The following MTM1 variants were observed in gnomAD, a reference collection of about 807,000 sequenced individuals.
MTM1 encodes myotubularin.
MTM1 carries 9 observed loss-of-function variants against 52.1 expected under a neutral mutation model. The ratio of observed to expected loss-of-function variants is 0.17; its 90% CI spans 0.10 to 0.30. MTM1 has a LOEUF of 0.30. Ranked by LOEUF, MTM1 falls within the 10% of genes least tolerant of loss-of-function variation. MTM1 has a pLI of 1.00. For missense variants in MTM1, 277 were observed against 470.7 expected (o/e 0.59, Z 3.81); for synonymous variants, 136 against 163.8 (o/e 0.83, Z 1.29).
At chrX:150,637,357 C>T (rs1167621068) in intron 6 of MTM1, among the ~76,000 whole-genome samples, 5 of 111,258 alleles carry the variant, frequency 4.5e-5, no homozygotes, top group South Asian at 3.8e-4. Flanking sequence ...AGTGCCCAGA[C>T]GCAGCGCCTC....
chrX:150,566,206 G>T (rs2038260883), upstream of MTM1, among the ~76,000 whole-genome samples: 1 of 111,545 alleles, frequency 9.0e-6, no homozygotes, highest in Non-Finnish European at 1.9e-5. Context: ...TGCAATCTCA[G>T]CTCACTGCAA....
intron 8 of MTM1, 48 bp downstream of exon 8, chrX:150,641,466 T>G (rs2039848469): frequency 1.7e-6 from 2 of 1,170,150 alleles, no homozygotes; most frequent in Non-Finnish European, 1.2e-6. Flanking sequence ...TTTTAGTCCA[T>G]AAGAATGGTA....
chrX:150,638,399 T>C (rs1213807405), intron 6 of MTM1, among the ~76,000 whole-genome samples: 2 of 110,731 alleles, frequency 1.8e-5, no homozygotes, highest in African/African-American at 6.6e-5. Flanking sequence ...TGAGTATATA[T>C]AGAGAAGAGG....
At chrX:150,608,804 GGAT>G (rs782040362) in intron 4 of MTM1, among the ~76,000 whole-genome samples, 163 of 108,813 alleles carry the variant, frequency 1.5e-3, no homozygotes, top group African/African-American at 4.2e-3. Flanking sequence ...GCCTTCCCCA[GGAT>G]GATGATGATG....
chrX:150,660,333 C>T (rs782111708), intron 12 of MTM1, 38 bp from the exon 13 acceptor site: 4 of 848,987 alleles, frequency 4.7e-6, no homozygotes, highest in Non-Finnish European at 7.0e-6. Context: ...AAGTTTCAGT[C>T]CCAGTTTTTC....
At chrX:150,668,484 C>T (rs1011669495) in intron 14 of MTM1, among the ~76,000 whole-genome samples, 2 of 104,645 alleles carry the variant, frequency 1.9e-5, no homozygotes, top group Non-Finnish European at 3.9e-5. Context: ...CCCAGAAATT[C>T]GAGACCAGCC....
chrX:150,637,994 A>C (rs1403373386), intron 6 of MTM1, among the ~76,000 whole-genome samples: 1 of 112,822 alleles, frequency 8.9e-6, no homozygotes, highest in Non-Finnish European at 1.9e-5. Flanking sequence ...TGTCACTCTG[A>C]CTTGAGAAGT....
At chrX:150,565,993 TAC>T (rs782745793), upstream of MTM1, among the ~76,000 whole-genome samples, 11,342 of 88,156 alleles carry the variant, frequency 0.13, 608 homozygotes, top group Middle Eastern at 0.23. Flanking sequence ...TGAAGATTCC[TAC>T]ACACACACAC....
intron 6 of MTM1, among the ~76,000 whole-genome samples, chrX:150,620,653 G>A (rs1603161177): frequency 8.9e-6 from 1 of 111,839 alleles, no homozygotes; most frequent in Non-Finnish European, 1.9e-5. Context: ...ATGTAAATAT[G>A]TCTTCACTCT....
At chrX:150,569,913 T>A (rs899005704) in intron 1 of MTM1, among the ~76,000 whole-genome samples, 2 of 112,032 alleles carry the variant, frequency 1.8e-5, no homozygotes, top group Non-Finnish European at 3.8e-5. Context: ...TTTGGCTGCT[T>A]CACAAAATCA....
At chrX:150,652,658 T>C (rs199923066) in intron 10 of MTM1, among the ~76,000 whole-genome samples, 2,968 of 82,361 alleles carry the variant, frequency 0.036, 107 homozygotes, top group African/African-American at 0.084. Flanking sequence ...TATATATATA[T>C]ACACACACAC....
At chrX:150,567,094 T>C (rs1317926449), upstream of MTM1, among the ~76,000 whole-genome samples, 1 of 110,939 alleles carries the variant, frequency 9.0e-6, no homozygotes, top group East Asian at 2.8e-4. Context: ...TCTGCTGTCT[T>C]TCCAGGAGTT....
chrX:150,565,528 A>G (rs2038251155), upstream of MTM1, among the ~76,000 whole-genome samples: 1 of 111,882 alleles, frequency 8.9e-6, no homozygotes. Flanking sequence ...AAGTTGAGGC[A>G]GGAGTGGGGA....
intron 6 of MTM1, among the ~76,000 whole-genome samples, chrX:150,620,666 T>A (rs2039463202): frequency 8.9e-6 from 1 of 112,193 alleles, no homozygotes; most frequent in Non-Finnish European, 1.9e-5. Context: ...TTCACTCTCA[T>A]CCCTCTTCTC....
intron 4 of MTM1, among the ~76,000 whole-genome samples, chrX:150,600,624 G>A (rs914438671): frequency 8.9e-6 from 1 of 112,082 alleles, no homozygotes; most frequent in Non-Finnish European, 1.9e-5. Flanking sequence ...TGCTGATCTT[G>A]TCTGAAGAAA....
intron 6 of MTM1, among the ~76,000 whole-genome samples, chrX:150,625,854 G>C (rs1156695686): frequency 8.9e-6 from 1 of 112,757 alleles, no homozygotes; most frequent in Non-Finnish European, 1.9e-5. Context: ...AGACACAGGT[G>C]AGGTAACTTG....
rs797035612 is a variant in MTM1 at position 150,665,348 on chromosome X, A to G, written c.1644+1739A>G. ...GCCCATGAGTAGCTCCCAAGCTGGT[A>G]GGGGCGGCCAGAAACATAAGCCAAT... On this transcript the variant is annotated intron_variant, in intron 14 of 14. Coordinates refer to ENST00000370396, the MANE Select transcript of MTM1 (RefSeq NM_000252.3). 1.6e-4 allele frequency among the ~76,000 whole-genome samples: 18 copies of G among 112,305 alleles called. No individual in the cohort carries two copies. The South Asian group carries it at 6.3e-3, about 40-fold the overall frequency.
intron 4 of MTM1, 43 bp downstream of exon 4, chrX:150,598,729 AG>A: frequency 2.3e-6 from 2 of 872,157 alleles, no homozygotes; most frequent in Non-Finnish European, 3.4e-6. Flanking sequence ...TAACTGTTAA[AG>A]ATAATGCTAA....
At chrX:150,651,056 C>T (rs1323251600) in intron 10 of MTM1, among the ~76,000 whole-genome samples, 1 of 112,064 alleles carries the variant, frequency 8.9e-6, no homozygotes, top group Non-Finnish European at 1.9e-5. Flanking sequence ...GGGAATGTTC[C>T]TTCCACTGAC....
Sources: gnomAD v4.1 joint callset for allele counts (sites outside exome capture counted in the v4.1 genomes callset) on GRCh38, gnomAD v4.1.1 for gene constraint, MANE v1.5 for transcripts, NCBI Gene and HGNC (gene_info 2026-07-23, HGNC 2026-07-21) for gene names.